CD300LG: variants seen among roughly 807,000 people sequenced by gnomAD.
CD300LG encodes the protein CD300 molecule like family member g.
CD300LG carries 29 observed loss-of-function variants against 31.5 expected under a neutral mutation model. The ratio of observed to expected loss-of-function variants is 0.92; its 90% confidence interval spans 0.68 to 1.25. The LOEUF is 1.25. Among genes scored for constraint, CD300LG ranks in the 50% most tolerant of loss-of-function variants. The probability of loss-of-function intolerance (pLI) is 0.00; values close to 1 mark genes in which losing one functional copy is unlikely to be tolerated. For synonymous variants in CD300LG, 175 were observed against 177.2 expected (o/e 0.99, Z 0.10); for missense variants, 396 against 417.6 (o/e 0.95, Z 0.45).
At chr17:43,847,423 G>A (rs1444515265) in intron 1 of CD300LG, among the ~76,000 whole-genome samples, 164 bp downstream of exon 1, 1 of 152,166 alleles carries the variant, frequency 6.6e-6, no homozygotes, top group Non-Finnish European at 1.5e-5. Context: ...GGGTGGCGCC[G>A]GGGCCGCACT....
At chr17:43,859,275 C>T (rs928188789) in intron 6 of CD300LG, among the ~76,000 whole-genome samples, 3 of 152,182 alleles carry the variant, frequency 2.0e-5, no homozygotes, top group South Asian at 4.1e-4. Context: ...TGCTAAGCTC[C>T]GATCAGAACT....
intron 6 of CD300LG, among the ~76,000 whole-genome samples, chr17:43,859,943 C>T (rs1414839767): frequency 1.3e-5 from 2 of 152,014 alleles, no homozygotes; most frequent in African/African-American, 4.8e-5. Context: ...ACTATGTTGC[C>T]CAGGTTGGTC....
At chr17:43,847,394 T>TGGGGGGGGGGGGGGGGGGGGGGGGG in intron 1 of CD300LG, 135 bp downstream of exon 1, 1 of 311,080 alleles carries the variant, frequency 3.2e-6, no homozygotes, top group Middle Eastern at 1.3e-3. Context: ...CGGGGCGGGC[T>TGGGGGGGGGGGGGGGGGGGGGGGGG]GGGGGTGGGG....
intron 6 of CD300LG, among the ~76,000 whole-genome samples, chr17:43,860,396 G>A (rs1006591176): frequency 4.6e-5 from 7 of 152,238 alleles, no homozygotes; most frequent in Non-Finnish European, 8.8e-5. Context: ...TCTGGCATCA[G>A]TGCCCATTTG....
At chr17:43,857,958 A>G in intron 6 of CD300LG, 1 of 1,526,646 alleles carries the variant, frequency 6.6e-7, no homozygotes, top group Non-Finnish European at 8.8e-7. Context: ...CTGCTGCAAG[A>G]AGAGACTGTG....
At chr17:43,861,306 C>A (rs2046648866) in intron 6 of CD300LG, 1 of 984,134 alleles carries the variant, frequency 1.0e-6, no homozygotes, top group Non-Finnish European at 1.2e-6. Flanking sequence ...ACCTTGCCTG[C>A]CTCCACTCTG....
At chr17:43,861,032 C>T (rs2046642505) in intron 6 of CD300LG, 1 of 928,556 alleles carries the variant, frequency 1.1e-6, no homozygotes, top group Non-Finnish European at 1.3e-6. Context: ...CCCTGCCTTG[C>T]CCACCCCTCC....
In CD300LG at chr17:43,848,667, C is replaced by A; in HGVS notation, c.153C>A (p.Cys51Ter). The A allele has an allele frequency of 6.2e-7, 1 of 1,614,152 alleles. No individual in the cohort carries two copies. Among genetic ancestry groups the A allele is most frequent in the South Asian group, 1.1e-5 (1 of 91,086 alleles). ...TGAGGGACCACCGGAAGTACTGGTG[C>A]AGGAAGGGTGGGATCCTCTTCTCTC... Reference protein sequence around the residue: ...EELRDHRKYWCRKGGILFSRC... With the variant: ...EELRDHRKYW The change falls in exon 2 of 7, where the codon TGC (cysteine) becomes TGA (stop). Residue 51 changes from cysteine to a stop codon, truncating the protein, a stop_gained. Transcript: ENST00000317310. LOFTEE classifies it high-confidence loss of function.
chr17:43,853,971 C>A lies in CD300LG; in HGVS notation c.646C>A (p.Pro216Thr). 1 of 1,614,158 alleles carries A rather than the reference C, an allele frequency of 6.2e-7. No individual in the cohort carries two copies. The highest frequency in any genetic ancestry group is 8.5e-7 in the Non-Finnish European group (1 of 1,180,004). The change falls in exon 4 of 7, where the codon CCC becomes ACC. Residue 216 changes from proline to threonine, a missense_variant. Transcript: ENST00000317310. ...CTCTCCTCCTGCAGGGAGCTCCCGC[C>A]CCCCCATGCAGCTGGACTCCACCTC... Reference protein sequence around the residue: ...ATSPPAGSSRPPMQLDSTSAE... With the variant: ...ATSPPAGSSRTPMQLDSTSAE...
chr17:43,855,059 G>GCAC (rs2046473843), intron 4 of CD300LG, 148 bp from the exon 5 acceptor site: 2 of 325,436 alleles, frequency 6.1e-6, no homozygotes, highest in East Asian at 8.5e-5. Flanking sequence ...CCACCCCCCC[G>GCAC]CACCACCACC....
chr17:43,857,669 T>C (rs2046564563), intron 6 of CD300LG: 2 of 1,239,682 alleles, frequency 1.6e-6, no homozygotes, highest in Admixed American at 4.0e-5. Context: ...TAGTGTGCTT[T>C]TACAAAAGAT....
chr17:43,857,632 C>T lies in CD300LG; in HGVS notation c.885+476C>T, dbSNP rs2143397703. 3.5e-6 allele frequency: 4 copies of T among 1,136,070 alleles called. No homozygotes were observed. In the East Asian group the frequency reaches 7.7e-5, roughly 22 times the overall value. 70.4% of individuals were successfully genotyped at this position (1,136,070 alleles called of 1,614,324 possible). ...AGCTGAACCCTCCAGGGGTGGGGTC[C>T]AGGGACTCTGGCAGTGCTACAAACT... On this transcript the variant is annotated intron_variant, in intron 6 of 6. Coordinates refer to ENST00000317310, the MANE Select transcript of CD300LG (RefSeq NM_145273.4).
rs760716131 is a variant in CD300LG at position 43,853,942 on chromosome 17, C to T, written c.617C>T (p.Ala206Val). The T allele has an allele frequency of 1.1e-5, 18 of 1,614,032 alleles. No individual in the cohort carries two copies. In the Middle Eastern group the frequency reaches 4.9e-4, roughly 44 times the overall value. ...TACACAGGAACCTCTCCTCACCCAG[C>T]GACCTCTCCTCCTGCAGGGAGCTCC... ...SQYTGTSPHPATSPPAGSSRP... is the reference protein window; with the variant it reads ...SQYTGTSPHPVTSPPAGSSRP... The change falls in exon 4 of 7, where the codon GCG becomes GTG. Residue 206 changes from alanine (A) to valine (V), a missense_variant. Ala to Val is a moderately conservative substitution (Grantham distance 64). Transcript: ENST00000317310.
Position 43,861,929 on chromosome 17 carries a change from G to A in CD300LG, c.*18G>A. 1 of 1,558,908 alleles carries A rather than the reference G, an allele frequency of 6.4e-7. No homozygotes were observed. Reference sequence around the variant, plus strand: ...CAGCGTAGGGCAGGAGGCCCTCCTGGCCAGGCCAGCAGTGAAGCAGTATGG... The same window carrying A: ...CAGCGTAGGGCAGGAGGCCCTCCTGACCAGGCCAGCAGTGAAGCAGTATGG... On this transcript the variant is annotated 3_prime_UTR_variant, in exon 7 of 7. Coordinates refer to ENST00000317310, the MANE Select transcript of CD300LG (RefSeq NM_145273.4).
chr17:43,854,828 G>A (rs772530962), intron 4 of CD300LG, among the ~76,000 whole-genome samples: 28 of 152,150 alleles, frequency 1.8e-4, no homozygotes, highest in Non-Finnish European at 3.2e-4. Flanking sequence ...TTGACGTGGT[G>A]CCTGGCATGT....
At chr17:43,847,361 C>T (rs2046212574) in intron 1 of CD300LG, 102 bp downstream of exon 1, 1 of 1,280,412 alleles carries the variant, frequency 7.8e-7, no homozygotes, top group East Asian at 2.5e-5. Flanking sequence ...CACCTATCCT[C>T]AGCCTCCTCA....
At chr17:43,858,356 T>C in intron 6 of CD300LG, 1 of 996,280 alleles carries the variant, frequency 1.0e-6, no homozygotes, top group South Asian at 4.5e-5. Context: ...CTCTGCGGGC[T>C]AGGGCCTGGG....
At chr17:43,850,874 C>T (rs920082301) in intron 2 of CD300LG, among the ~76,000 whole-genome samples, 31 of 152,210 alleles carry the variant, frequency 2.0e-4, no homozygotes, top group South Asian at 1.2e-3. Flanking sequence ...TGGTGGCTCA[C>T]GCCTGTAATC....
At chr17:43,855,582 C>T (rs1160214317) in intron 5 of CD300LG, 6 of 305,964 alleles carry the variant, frequency 2.0e-5, no homozygotes, top group African/African-American at 6.5e-5. Context: ...CACTTCTCTA[C>T]CTATTGATCC....
Sources: gnomAD v4.1 joint callset for allele counts (sites outside exome capture counted in the v4.1 genomes callset) on GRCh38, gnomAD v4.1.1 for gene constraint, MANE v1.5 for transcripts, NCBI Gene and HGNC (gene_info 2026-07-23, HGNC 2026-07-21) for gene names.